RALYL: variants seen among roughly 807,000 people sequenced by gnomAD.
The protein encoded by RALYL is RALY RNA binding protein like.
In RALYL, 29 loss-of-function variants were observed where a neutral mutation model predicts 35.1. The observed-to-expected ratio is 0.83, with a 90% CI of 0.61 to 1.13. RALYL has a LOEUF of 1.13. Among genes scored for constraint, RALYL ranks in the 50% most tolerant of loss-of-function variants. RALYL has a pLI of 0.00. For missense variants in RALYL, 359 were observed against 360.4 expected (o/e 1.00, Z 0.03); for synonymous variants, 120 against 127.6 (o/e 0.94, Z 0.40).
intron 1 of RALYL, among the ~76,000 whole-genome samples, chr8:84,525,953 C>CTTT (rs35794329): frequency 5.1e-4 from 53 of 104,830 alleles, no homozygotes; most frequent in Non-Finnish European, 7.3e-4. Context: ...TTTCTTTTTT[C>CTTT]TTTTTTTTTT....
intron 1 of RALYL, among the ~76,000 whole-genome samples, chr8:84,341,110 T>A (rs1848702362): frequency 6.6e-6 from 1 of 151,798 alleles, no homozygotes; most frequent in South Asian, 2.1e-4. Flanking sequence ...TTGTATGTCA[T>A]CTTTGGAGAA....
chr8:84,702,539 T>TCA (rs10678224), intron 2 of RALYL, among the ~76,000 whole-genome samples: 42,744 of 136,224 alleles, frequency 0.31, 6,217 homozygotes, highest in Non-Finnish European at 0.35. Context: ...TCTCTCTCTC[T>TCA]CACACACACA....
At chr8:84,521,413 G>T (rs2058448950) in intron 1 of RALYL, among the ~76,000 whole-genome samples, 2 of 152,174 alleles carry the variant, frequency 1.3e-5, no homozygotes, top group Non-Finnish European at 2.9e-5. Flanking sequence ...CATCAACATA[G>T]AAAGGAGTTC....
At chr8:84,652,928 T>C (rs2131551559) in intron 2 of RALYL, among the ~76,000 whole-genome samples, 1 of 152,222 alleles carries the variant, frequency 6.6e-6, no homozygotes, top group Non-Finnish European at 1.5e-5. Flanking sequence ...TGCATCAATG[T>C]ACTGGAAAAC....
At chr8:84,841,687 C>G (rs532826368) in intron 4 of RALYL, among the ~76,000 whole-genome samples, 2 of 152,096 alleles carry the variant, frequency 1.3e-5, no homozygotes, top group African/African-American at 2.4e-5. Flanking sequence ...ACCACACCAC[C>G]CTTATTCCAA....
At chr8:84,203,651 T>C (rs1220279168) in intron 1 of RALYL, among the ~76,000 whole-genome samples, 1 of 152,158 alleles carries the variant, frequency 6.6e-6, no homozygotes, top group Non-Finnish European at 1.5e-5. Context: ...TTGTGGTTGA[T>C]TGGAAATGGA....
intron 1 of RALYL, among the ~76,000 whole-genome samples, chr8:84,438,783 T>C (rs560410650): frequency 1.1e-3 from 160 of 152,288 alleles, no homozygotes; most frequent in Non-Finnish European, 1.8e-3. Flanking sequence ...AATGGTTCAG[T>C]CTCATTCTTC....
At chr8:84,461,833 T>TC (rs1438363310) in intron 1 of RALYL, among the ~76,000 whole-genome samples, 1 of 151,622 alleles carries the variant, frequency 6.6e-6, no homozygotes, top group Non-Finnish European at 1.5e-5. Context: ...TCCTCATTTC[T>TC]CCCCCTATCA....
intron 2 of RALYL, among the ~76,000 whole-genome samples, chr8:84,665,451 A>G (rs28516390): frequency 0.096 from 14,599 of 151,396 alleles, 1,809 homozygotes; most frequent in African/African-American, 0.29. Context: ...CTGTTTTTTT[A>G]TTTATAGCTG....
chr8:84,681,132 G>C (rs888582327), intron 2 of RALYL, among the ~76,000 whole-genome samples: 4 of 151,982 alleles, frequency 2.6e-5, no homozygotes, highest in East Asian at 3.9e-4. Context: ...TCTTGATTTT[G>C]TCAGGTTTGT....
At chr8:84,552,605 G>A (rs1453182769) in intron 2 of RALYL, among the ~76,000 whole-genome samples, 1 of 151,386 alleles carries the variant, frequency 6.6e-6, no homozygotes, top group Non-Finnish European at 1.5e-5. Flanking sequence ...TCCAATATTT[G>A]TTCCACTTTT....
intron 2 of RALYL, among the ~76,000 whole-genome samples, chr8:84,739,053 ATAATGGAAATTCAAAATTAAT>A (rs1324774367): frequency 6.6e-6 from 1 of 152,040 alleles, no homozygotes; most frequent in African/African-American, 2.4e-5. Context: ...CTAAAATAAG[ATAATGGAAATTCAAAATTAAT>A]TAATGTGTCC....
intron 1 of RALYL, among the ~76,000 whole-genome samples, chr8:84,245,900 G>A (rs1322235567): frequency 2.0e-5 from 3 of 152,050 alleles, no homozygotes; most frequent in South Asian, 4.1e-4. Flanking sequence ...CAGCCTGGGA[G>A]GAATCTTAAT....
chr8:84,839,558 C>G (rs1048523836), intron 4 of RALYL, among the ~76,000 whole-genome samples: 1 of 152,250 alleles, frequency 6.6e-6, no homozygotes, highest in Non-Finnish European at 1.5e-5. Context: ...CACAGCCAAA[C>G]AAAAGGCAGC....
chr8:84,680,700 G>GT lies in RALYL; in HGVS notation c.257-93871dup, dbSNP rs1031788397. Among the ~76,000 whole-genome samples the GT allele has an allele frequency of 1.2e-3, 184 of 150,298 alleles. 1 individual carries two copies. Among genetic ancestry groups the GT allele is most frequent in the African/African-American group, 3.4e-3 (136 of 40,062 alleles). On this transcript the variant is annotated intron_variant, in intron 2 of 8. Transcript: ENST00000521268. ...CGCCCACTTGTTGATGGGGTTGTTT[G>GT]TTTTTTTTCTTGTAAATTTGTTGGA...
At chr8:84,543,513 A>G (rs74694083) in intron 2 of RALYL, among the ~76,000 whole-genome samples, 1 of 149,772 alleles carries the variant, frequency 6.7e-6, no homozygotes, top group Non-Finnish European at 1.5e-5. Context: ...ATAAAAAAAA[A>G]CAACTTAGTA....
chr8:84,813,503 A>G (rs1314450012), intron 4 of RALYL, among the ~76,000 whole-genome samples: 4 of 152,218 alleles, frequency 2.6e-5, no homozygotes, highest in African/African-American at 7.2e-5. Context: ...TGCATGGTAT[A>G]TGGTTTATTA....
At chr8:84,887,824 G>T in intron 8 of RALYL, 48 bp downstream of exon 8, 2 of 1,477,520 alleles carry the variant, frequency 1.4e-6, no homozygotes, top group Non-Finnish European at 1.9e-6. Context: ...AACAACACTA[G>T]CATGTTAGCA....
At chr8:84,818,145 A>T (rs1324091598) in intron 4 of RALYL, among the ~76,000 whole-genome samples, 1 of 152,174 alleles carries the variant, frequency 6.6e-6, no homozygotes, top group Non-Finnish European at 1.5e-5. Context: ...CAAGAAAAAA[A>T]GCAAAACAGC....
Sources: gnomAD v4.1 joint callset for allele counts (sites outside exome capture counted in the v4.1 genomes callset) on GRCh38, gnomAD v4.1.1 for gene constraint, MANE v1.5 for transcripts, NCBI Gene and HGNC (gene_info 2026-07-23, HGNC 2026-07-21) for gene names.